DOCK4: variants seen among roughly 807,000 people sequenced by gnomAD.
The protein encoded by DOCK4 is dedicator of cytokinesis protein 4.
DOCK4 carries 97 observed loss-of-function variants against 268.1 expected under a neutral mutation model. The observed-to-expected ratio is 0.36, with a 90% CI of 0.31 to 0.43. The LOEUF (loss-of-function observed/expected upper bound fraction) is 0.43. Among genes scored for constraint, DOCK4 ranks in the 20% least tolerant of loss-of-function variants. DOCK4 has a pLI of 1.00. For missense variants in DOCK4, 2,145 were observed against 2,455.7 expected (o/e 0.87, Z 2.67); for synonymous variants, 954 against 887.2 (o/e 1.08, Z -1.34).
chr7:111,893,464 T>C (rs10236850), intron 16 of DOCK4, among the ~76,000 whole-genome samples: 13,155 of 152,254 alleles, frequency 0.086, 659 homozygotes, highest in South Asian at 0.12. Context: ...GGGAGCCCAG[T>C]CTTAGTTATC....
intron 5 of DOCK4, among the ~76,000 whole-genome samples, chr7:111,989,653 C>A (rs2135218569): frequency 6.6e-6 from 1 of 152,310 alleles, no homozygotes; most frequent in Non-Finnish European, 1.5e-5. Context: ...AAGTTGGGCA[C>A]AAAATTCATT....
chr7:112,123,199 T>A (rs1812899669), intron 1 of DOCK4, among the ~76,000 whole-genome samples: 1 of 152,150 alleles, frequency 6.6e-6, no homozygotes, highest in African/African-American at 2.4e-5. Context: ...TGTGGTTACA[T>A]CTTGGTCTAA....
At chr7:111,848,128 T>G (rs979157136) in intron 23 of DOCK4, among the ~76,000 whole-genome samples, 11 of 152,228 alleles carry the variant, frequency 7.2e-5, no homozygotes, top group Non-Finnish European at 1.3e-4. Flanking sequence ...TCTTCTATCC[T>G]TTGTCTGTAA....
chr7:112,076,117 GAACTTTCTTT>G (rs1175652150), intron 1 of DOCK4, among the ~76,000 whole-genome samples: 1 of 152,072 alleles, frequency 6.6e-6, no homozygotes, highest in Non-Finnish European at 1.5e-5. Context: ...GCCATTTAAA[GAACTTTCTTT>G]ATAAAATACT....
chr7:111,881,075 T>C (rs1325406714), intron 16 of DOCK4, among the ~76,000 whole-genome samples: 5 of 152,052 alleles, frequency 3.3e-5, no homozygotes, highest in Non-Finnish European at 7.4e-5. Flanking sequence ...AATGGATAAA[T>C]GGGATCACAT....
At chr7:111,840,636 T>C (rs1803605568) in intron 25 of DOCK4, 3 of 203,912 alleles carry the variant, frequency 1.5e-5, no homozygotes, top group South Asian at 1.9e-4. Flanking sequence ...CTCTGTTATC[T>C]GGAACTATGA....
At chr7:111,976,844 A>C (rs776220747) in intron 8 of DOCK4, 2 of 239,956 alleles carry the variant, frequency 8.3e-6, no homozygotes, top group Non-Finnish European at 1.6e-5. Flanking sequence ...TTACCAATAC[A>C]AAATAATTAA....
At chr7:112,184,362 C>T (rs1819307661) in intron 1 of DOCK4, among the ~76,000 whole-genome samples, 1 of 152,164 alleles carries the variant, frequency 6.6e-6, no homozygotes, top group Non-Finnish European at 1.5e-5. Context: ...GTATGATCTG[C>T]AGGCACCTCT....
rs1196821401 is a variant in DOCK4 at position 112,200,729 on chromosome 7, A to AAAAT, written c.37+5372_37+5373insATTT. Among the ~76,000 whole-genome samples, 70 of 120,214 alleles carry AAAAT rather than the reference A, an allele frequency of 5.8e-4. 3 individuals carry two copies. Among genetic ancestry groups the AAAAT allele is most frequent in the Admixed American group, 2.5e-4 (3 of 12,192 alleles). The allele number at this position is 120,214 out of a possible 152,430, so 78.9% of individuals were successfully genotyped here. A position where few individuals can be genotyped will look rare whatever the true frequency, so the allele number is the denominator to read the frequency against. On this transcript the variant is annotated intron_variant, in intron 1 of 52. Coordinates refer to ENST00000428084, the MANE Select transcript of DOCK4 (RefSeq NM_001363540.2). The stretch of plus-strand genomic sequence containing the variant: ...CTACCATAACAGCCTCTAAAATAAA[A>AAAAT]AAAAAAAAACAAAAAAAAACAAGAT...
At chr7:112,152,810 C>G (rs1692942394) in intron 1 of DOCK4, among the ~76,000 whole-genome samples, 1 of 151,946 alleles carries the variant, frequency 6.6e-6, no homozygotes, top group Non-Finnish European at 1.5e-5. Context: ...TTAAGAGTAC[C>G]TTTATAATTT....
intron 1 of DOCK4, among the ~76,000 whole-genome samples, chr7:112,128,392 A>T (rs1260830649): frequency 6.6e-6 from 1 of 152,100 alleles, no homozygotes; most frequent in Admixed American, 6.5e-5. Context: ...CCCCTCTGCC[A>T]GGCCACCACC....
intron 17 of DOCK4, among the ~76,000 whole-genome samples, chr7:111,876,043 T>C (rs1449979738): frequency 6.6e-6 from 1 of 152,214 alleles, no homozygotes; most frequent in Non-Finnish European, 1.5e-5. Context: ...TCTTCATAAC[T>C]TCTATGGGGG....
intron 1 of DOCK4, among the ~76,000 whole-genome samples, chr7:112,099,725 A>G (rs984536597): frequency 5.3e-5 from 8 of 152,204 alleles, no homozygotes; most frequent in Non-Finnish European, 4.4e-5. Context: ...ATATGTGCAT[A>G]TAAGAAAACA....
At chr7:112,174,311 G>A (rs1472335156) in intron 1 of DOCK4, among the ~76,000 whole-genome samples, 4 of 152,238 alleles carry the variant, frequency 2.6e-5, no homozygotes, top group African/African-American at 9.6e-5. Flanking sequence ...GCCTTTTCTA[G>A]CTTGAGCTTT....
At chr7:111,854,019 C>G (rs1408467104) in intron 23 of DOCK4, among the ~76,000 whole-genome samples, 1 of 151,918 alleles carries the variant, frequency 6.6e-6, no homozygotes, top group Non-Finnish European at 1.5e-5. Flanking sequence ...CTGCAACCTC[C>G]TCACAGGTGC....
At chr7:111,744,571 A>G (rs929123791) in intron 44 of DOCK4, among the ~76,000 whole-genome samples, 3 of 152,198 alleles carry the variant, frequency 2.0e-5, no homozygotes, top group African/African-American at 4.8e-5. Context: ...AGTCTTCTTG[A>G]CCCTGAGCTA....
intron 1 of DOCK4, among the ~76,000 whole-genome samples, chr7:112,098,869 A>C (rs556486724): frequency 2.0e-5 from 3 of 151,966 alleles, no homozygotes; most frequent in Non-Finnish European, 4.4e-5. Flanking sequence ...TACTAGACCC[A>C]AATGAACATA....
intron 37 of DOCK4, 109 bp from the exon 38 acceptor site, chr7:111,767,227 C>CAT: frequency 6.5e-6 from 3 of 464,828 alleles, no homozygotes; most frequent in Non-Finnish European, 1.1e-5. Context: ...ACTCCTTAAT[C>CAT]TTTTTTTTTT....
At chr7:111,741,460 T>G in intron 46 of DOCK4, 80 bp downstream of exon 46, 6 of 1,551,962 alleles carry the variant, frequency 3.9e-6, no homozygotes, top group Non-Finnish European at 5.2e-6. Flanking sequence ...TGACAAATTG[T>G]GCCATAAAGA....
Sources: allele counts gnomAD v4.1 joint callset (sites outside exome capture counted in the v4.1 genomes callset), GRCh38; gene constraint gnomAD v4.1.1; transcripts MANE v1.5; gene names NCBI Gene and HGNC (gene_info 2026-07-23, HGNC 2026-07-21).